The following CAST variants were observed in gnomAD, a reference collection of about 807,000 sequenced individuals.
CAST encodes the protein calpastatin.
In CAST, 76 loss-of-function variants were observed where a neutral mutation model predicts 119.6. The observed-to-expected ratio is 0.64, with a 90% CI of 0.53 to 0.77. The LOEUF is 0.77. CAST is among the 30% of genes least tolerant of loss of function. The pLI is 0.00. For synonymous variants in CAST, 319 were observed against 331.6 expected, an observed-to-expected ratio of 0.96 and a Z score of 0.41; for missense variants, 953 against 946.5, an observed-to-expected ratio of 1.01 and a Z score of -0.09.
chr5:96,273,779 G>A, the CAST span, among the ~76,000 whole-genome samples: 2 of 152,144 alleles, frequency 1.3e-5, no homozygotes, highest in Admixed American at 1.3e-4. Flanking sequence ...TAAACACAAT[G>A]TAGATATCTC....
chr5:96,334,910 A>G, the CAST span, among the ~76,000 whole-genome samples: 3 of 152,196 alleles, frequency 2.0e-5, no homozygotes, highest in Admixed American at 2.0e-4. Context: ...GCAAATGAGC[A>G]TGAGCGCCTT....
intron 1 of CAST, among the ~76,000 whole-genome samples, chr5:96,548,397 C>T (rs1195987713): frequency 6.6e-6 from 1 of 152,092 alleles, no homozygotes; most frequent in African/African-American, 2.4e-5. Flanking sequence ...AACCAATACT[C>T]TAGTAAATTG....
the CAST span, among the ~76,000 whole-genome samples, chr5:96,402,481 C>G: frequency 1.3e-5 from 2 of 152,176 alleles, no homozygotes; most frequent in Non-Finnish European, 2.9e-5. Context: ...TTTCCTCACT[C>G]AGACTCAGTG....
chr5:96,079,147 A>G, the CAST span: 2 of 475,842 alleles, frequency 4.2e-6, no homozygotes, highest in South Asian at 1.5e-5. Flanking sequence ...CAACTCACAC[A>G]TTAACCAAAG....
At chr5:96,389,350 A>G in the CAST span, among the ~76,000 whole-genome samples, 2 of 152,338 alleles carry the variant, frequency 1.3e-5, no homozygotes, top group East Asian at 1.9e-4. Flanking sequence ...ATATATCACA[A>G]TATCACATTG....
chr5:96,577,695 C>T (rs1009172384), intron 1 of CAST, among the ~76,000 whole-genome samples: 1 of 152,042 alleles, frequency 6.6e-6, no homozygotes, highest in Middle Eastern at 3.4e-3. Flanking sequence ...ATTTTCCTGT[C>T]TTCTGTTATT....
At chr5:96,529,058 A>G (rs990210834), upstream of CAST, among the ~76,000 whole-genome samples, 3 of 152,228 alleles carry the variant, frequency 2.0e-5, no homozygotes, top group Admixed American at 6.5e-5. Context: ...TGGCAGGTTT[A>G]AAGGAGTGAA....
the CAST span, among the ~76,000 whole-genome samples, chr5:96,223,616 C>T: frequency 2.0e-5 from 3 of 152,120 alleles, no homozygotes; most frequent in African/African-American, 7.2e-5. Context: ...ACACTTCTAG[C>T]CTCCAAGACT....
chr5:96,741,529 G>A lies in CAST; in HGVS notation c.1047G>A (p.Gly349=), dbSNP rs759153869. 2 of 1,613,830 alleles carry A rather than the reference G, an allele frequency of 1.2e-6. No individual in the cohort carries two copies. The highest frequency in any genetic ancestry group is 2.2e-5 in the South Asian group (2 of 91,044). ...STEVLKAQSA[G]TVRSAAPPQE... ...AAGTTTTAAAAGCTCAGTCAGCAGG[G>A]ACAGTCAGAAGTGCTGCTCCACCCC... The change falls in exon 15 of 32, where the codon GGG becomes GGA. Residue 349 remains glycine, a synonymous_variant. Transcript: ENST00000675179.
the CAST span, among the ~76,000 whole-genome samples, chr5:96,314,194 A>C: frequency 6.6e-6 from 1 of 152,194 alleles, no homozygotes; most frequent in Non-Finnish European, 1.5e-5. Flanking sequence ...GAAAACTTGT[A>C]AATTATTTTC....
chr5:96,299,618 C>T, the CAST span, among the ~76,000 whole-genome samples: 1 of 152,202 alleles, frequency 6.6e-6, no homozygotes, highest in Non-Finnish European at 1.5e-5. Context: ...AGAAGCACTA[C>T]TACTAGAAGC....
At chr5:96,289,995 T>G in the CAST span, among the ~76,000 whole-genome samples, 3 of 152,270 alleles carry the variant, frequency 2.0e-5, no homozygotes, top group Non-Finnish European at 4.4e-5. Context: ...GTCATCCAAT[T>G]GTTTTGTTTT....
chr5:96,738,901 C>T (rs1450245962), intron 11 of CAST, among the ~76,000 whole-genome samples: 1 of 147,386 alleles, frequency 6.8e-6, no homozygotes, highest in Non-Finnish European at 1.5e-5. Context: ...TGCCATTGCA[C>T]TCCAGCCTGG....
the CAST span, among the ~76,000 whole-genome samples, chr5:96,292,002 C>T: frequency 6.6e-6 from 1 of 152,182 alleles, no homozygotes; most frequent in African/African-American, 2.4e-5. Context: ...AAAGCCAAAC[C>T]TAGAACAATT....
the CAST span, among the ~76,000 whole-genome samples, chr5:96,180,340 G>T: frequency 6.6e-6 from 1 of 152,196 alleles, no homozygotes; most frequent in Non-Finnish European, 1.5e-5. Flanking sequence ...TACACCAGGG[G>T]AGGTGTGATC....
chr5:95,993,642 C>T, the CAST span, among the ~76,000 whole-genome samples: 2 of 152,108 alleles, frequency 1.3e-5, no homozygotes, highest in Admixed American at 6.6e-5. Flanking sequence ...CAATGGACTT[C>T]CCCCAAATTT....
At chr5:96,527,894 C>T (rs1447204731), upstream of CAST, among the ~76,000 whole-genome samples, 1 of 152,124 alleles carries the variant, frequency 6.6e-6, no homozygotes. Flanking sequence ...TTCATTTAAA[C>T]TTACAAAGAC....
intron 9 of CAST, among the ~76,000 whole-genome samples, chr5:96,734,616 G>A (rs17086605): frequency 0.013 from 1,928 of 152,272 alleles, 43 homozygotes; most frequent in African/African-American, 0.044. Flanking sequence ...GAGGTTGGTA[G>A]CCACACGGTA....
At chr5:96,771,843 C>T (rs1772492709) in intron 31 of CAST, 141 bp downstream of exon 31, 2 of 503,260 alleles carry the variant, frequency 4.0e-6, no homozygotes, top group South Asian at 7.5e-5. Flanking sequence ...ACTGCAAGAT[C>T]TACAGAGTAA....
Sources: gnomAD v4.1 joint callset for allele counts (sites outside exome capture counted in the v4.1 genomes callset) on GRCh38, gnomAD v4.1.1 for gene constraint, MANE v1.5 for transcripts, NCBI Gene and HGNC (gene_info 2026-07-23, HGNC 2026-07-21) for gene names.